EPB41L2: variants seen among roughly 807,000 people sequenced by gnomAD.
The protein encoded by EPB41L2 is band 4.1-like protein 2.
EPB41L2 carries 43 observed loss-of-function variants against 113.0 expected under a neutral mutation model. That is an observed-to-expected ratio of 0.38 (90% CI 0.30 to 0.49). The LOEUF (loss-of-function observed/expected upper bound fraction) is 0.49, where lower values mean the gene tolerates loss of function less well. Ranked by LOEUF, EPB41L2 falls within the 20% of genes least tolerant of loss-of-function variation. The probability of loss-of-function intolerance (pLI) is 0.95; values close to 1 mark genes in which losing one functional copy is unlikely to be tolerated. For missense variants in EPB41L2, 1,147 were observed against 1,223.4 expected (o/e 0.94, Z 0.93); for synonymous variants, 442 against 436.7 (o/e 1.01, Z -0.15).
At chr6:130,907,427 T>C (rs761051532) in intron 5 of EPB41L2, among the ~76,000 whole-genome samples, 23 of 151,944 alleles carry the variant, frequency 1.5e-4, no homozygotes, top group Admixed American at 6.6e-4. Context: ...AGAAAATAAA[T>C]GCAAGAAAGA....
chr6:131,041,997 G>C (rs1248369143), intron 1 of EPB41L2, among the ~76,000 whole-genome samples: 1 of 152,106 alleles, frequency 6.6e-6, no homozygotes, highest in African/African-American at 2.4e-5. Context: ...ATTTTAAAAA[G>C]AGTGAATGAA....
At chr6:130,906,877 T>C (rs1797889078) in intron 5 of EPB41L2, among the ~76,000 whole-genome samples, 1 of 152,214 alleles carries the variant, frequency 6.6e-6, no homozygotes, top group Non-Finnish European at 1.5e-5. Context: ...CAGTACAGGA[T>C]GCCATTTAAA....
At chr6:130,865,966 G>A in intron 16 of EPB41L2, 1 of 225,078 alleles carries the variant, frequency 4.4e-6, no homozygotes, top group Non-Finnish European at 8.7e-6. Flanking sequence ...GAGCCAGGCA[G>A]AGAAGTTTCC....
At chr6:130,909,452 C>A (rs1294991566) in intron 4 of EPB41L2, among the ~76,000 whole-genome samples, 2 of 152,158 alleles carry the variant, frequency 1.3e-5, no homozygotes, top group Non-Finnish European at 2.9e-5. Context: ...TTCTTCTTAA[C>A]CTCATTCTAA....
rs1562346452 is a variant in EPB41L2 at position 130,870,087 on chromosome 6, GCTT to G, written c.2080_2082del (p.Lys694del). 4 of 1,613,240 alleles carry G rather than the reference GCTT, an allele frequency of 2.5e-6. No individual in the cohort carries two copies. The highest frequency in any genetic ancestry group is 1.7e-5 in the Admixed American group (1 of 59,954). Reference sequence around the variant, plus strand: ...CTTTCGTCTTTCCCAACCTCTGCCCGCTTCTTCTCCTCCACTATATTCAGAGTC... The same window carrying G: ...CTTTCGTCTTTCCCAACCTCTGCCCGCTTCTCCTCCACTATATTCAGAGTC... On this transcript the variant is annotated inframe_deletion, in exon 15 of 20. Transcript: ENST00000337057.
At chr6:130,957,420 G>A (rs56091933) in intron 1 of EPB41L2, among the ~76,000 whole-genome samples, 1 of 152,126 alleles carries the variant, frequency 6.6e-6, no homozygotes, top group Non-Finnish European at 1.5e-5. Context: ...GATCACATTC[G>A]CTCTCCCCTC....
chr6:131,007,155 CA>C (rs1222932902), intron 1 of EPB41L2, among the ~76,000 whole-genome samples: 35 of 152,192 alleles, frequency 2.3e-4, no homozygotes, highest in Non-Finnish European at 3.4e-4. Flanking sequence ...ACTCAGATCT[CA>C]CCTTGAATAG....
intron 3 of EPB41L2, among the ~76,000 whole-genome samples, chr6:130,953,572 T>C (rs910307710): frequency 6.6e-6 from 1 of 151,896 alleles, no homozygotes; most frequent in African/African-American, 2.4e-5. Context: ...ATTTAAATGA[T>C]GAGTTAATGG....
intron 1 of EPB41L2, among the ~76,000 whole-genome samples, chr6:131,010,313 G>A (rs1035026788): frequency 6.6e-6 from 1 of 152,162 alleles, no homozygotes. Flanking sequence ...AATTCCAGGT[G>A]CTACAAGAGT....
At chr6:131,051,105 A>C (rs1226188766) in intron 1 of EPB41L2, among the ~76,000 whole-genome samples, 1 of 152,170 alleles carries the variant, frequency 6.6e-6, no homozygotes, top group Non-Finnish European at 1.5e-5. Flanking sequence ...AAAATATAAT[A>C]CATTTACTGA....
intron 1 of EPB41L2, among the ~76,000 whole-genome samples, chr6:131,017,814 A>G (rs1788573881): frequency 6.6e-6 from 1 of 152,174 alleles, no homozygotes; most frequent in Admixed American, 6.5e-5. Flanking sequence ...CAACACTGGT[A>G]TTTTTATACT....
chr6:130,858,993 G>C (rs1781153514), intron 18 of EPB41L2, among the ~76,000 whole-genome samples: 1 of 152,200 alleles, frequency 6.6e-6, no homozygotes, highest in South Asian at 2.1e-4. Context: ...AGCAGGATAG[G>C]AGCAGGGAGG....
intron 4 of EPB41L2, among the ~76,000 whole-genome samples, chr6:130,909,630 G>A (rs950776293): frequency 1.3e-5 from 2 of 152,158 alleles, no homozygotes; most frequent in Non-Finnish European, 2.9e-5. Context: ...TGTATATTTA[G>A]AAAACCCCAT....
At chr6:130,974,718 T>C (rs10714411) in intron 1 of EPB41L2, among the ~76,000 whole-genome samples, 1 of 33,752 alleles carries the variant, frequency 3.0e-5, no homozygotes, top group Non-Finnish European at 6.1e-5. Flanking sequence ...TTTTCTTTTC[T>C]TTTTTTTTTT....
At chr6:130,881,345 CTT>C (rs1285349949) in intron 12 of EPB41L2, 2 of 152,132 alleles carry the variant, frequency 1.3e-5, no homozygotes, top group Non-Finnish European at 2.9e-5. Flanking sequence ...AGCTCAGAGT[CTT>C]TATCAGATGT....
intron 18 of EPB41L2, among the ~76,000 whole-genome samples, chr6:130,858,632 G>A (rs1357580449): frequency 6.6e-6 from 1 of 150,648 alleles, no homozygotes; most frequent in African/African-American, 2.4e-5. Context: ...AAGTAATGCT[G>A]TAAAGCAGCC....
intron 14 of EPB41L2, chr6:130,876,871 T>A (rs555718575): frequency 1.7e-6 from 1 of 598,076 alleles, no homozygotes; most frequent in East Asian, 7.1e-5. Context: ...TGTGGGTCAA[T>A]GACACACACC....
At position 130,869,779 on chromosome 6, in the gene EPB41L2, G is replaced by A. The variant is rs1785037926; in HGVS notation, c.2391C>T (p.Ala797=). The A allele has an allele frequency of 6.2e-7, 1 of 1,614,022 alleles. No homozygotes were observed. Among genetic ancestry groups the A allele is most frequent in the South Asian group, 1.1e-5 (1 of 91,066 alleles). ...VVEREEAVPE[A]SPVTQAGASV... ...TGGCACCTGCTTGTGTGACTGGGCT[G>A]GCTTCGGGCACTGCTTCCTCCCTCT... The change falls in exon 15 of 20, where the codon GCC becomes GCT. Residue 797 remains alanine, a synonymous_variant. Transcript: ENST00000337057.
intron 1 of EPB41L2, among the ~76,000 whole-genome samples, chr6:131,028,899 C>G (rs960584124): frequency 6.6e-6 from 1 of 152,158 alleles, no homozygotes; most frequent in African/African-American, 2.4e-5. Context: ...TTCCTTTTAT[C>G]TCCATGTATA....
Sources: gnomAD v4.1 joint callset for allele counts (sites outside exome capture counted in the v4.1 genomes callset) on GRCh38, gnomAD v4.1.1 for gene constraint, MANE v1.5 for transcripts, NCBI Gene and HGNC (gene_info 2026-07-23, HGNC 2026-07-21) for gene names.